Variants in PTCD1 observed in about 807,000 individuals in gnomAD.
The protein encoded by PTCD1 is pentatricopeptide repeat-containing protein 1, mitochondrial.
Under a neutral mutation model 53.4 loss-of-function variants are expected in PTCD1, and 50 were observed. That is an observed-to-expected ratio of 0.94 (90% CI 0.75 to 1.19). PTCD1 has a LOEUF of 1.19. Among genes scored for constraint, PTCD1 ranks in the 50% most tolerant of loss-of-function variants. The pLI is 0.00. For synonymous variants in PTCD1, 413 were observed against 394.8 expected (o/e 1.05, Z -0.55); for missense variants, 918 against 904.8 (o/e 1.01, Z -0.19).
intron 7 of PTCD1, among the ~76,000 whole-genome samples, chr7:99,420,930 G>C (rs1795782864): frequency 6.6e-6 from 1 of 151,934 alleles, no homozygotes; most frequent in African/African-American, 2.4e-5. Context: ...CTGGGCGACA[G>C]AGCAAGACTC....
intron 5 of PTCD1, among the ~76,000 whole-genome samples, chr7:99,427,546 C>T (rs1796099287): frequency 6.6e-6 from 1 of 151,644 alleles, no homozygotes; most frequent in South Asian, 2.1e-4. Flanking sequence ...TCTGCCCGGC[C>T]GCCCCTGCTG....
At chr7:99,427,382 G>A (rs1384263256) in intron 5 of PTCD1, among the ~76,000 whole-genome samples, 6 of 149,006 alleles carry the variant, frequency 4.0e-5, no homozygotes, top group South Asian at 4.3e-4. Context: ...CCGGCCAGCC[G>A]CCCCGTCCGG....
chr7:99,416,875 C>T lies in PTCD1; in HGVS notation c.*3092G>A, dbSNP rs1795506881. 1 of 164,956 alleles carries T rather than the reference C, an allele frequency of 6.1e-6. No individual in the cohort carries two copies. Among genetic ancestry groups the T allele is most frequent in the African/African-American group, 2.4e-5 (1 of 41,448 alleles). 10.2% of individuals were successfully genotyped at this position (164,956 alleles called of 1,614,324 possible). A position where few individuals can be genotyped will look rare whatever the true frequency, so the allele number is the denominator to read the frequency against. Reference sequence around the variant, plus strand: ...AGCTGTGACTACAGGTGTGCACCACCACACCCAGCTAATTTTTAAATTTTT... The same window carrying T: ...AGCTGTGACTACAGGTGTGCACCACTACACCCAGCTAATTTTTAAATTTTT... On this transcript the variant is annotated 3_prime_UTR_variant, in exon 8 of 8. Transcript: ENST00000292478.
intron 5 of PTCD1, among the ~76,000 whole-genome samples, chr7:99,426,462 G>A (rs1796029324): frequency 6.6e-6 from 1 of 152,204 alleles, no homozygotes; most frequent in Non-Finnish European, 1.5e-5. Context: ...GAGGTGCCGG[G>A]ATTGCAGACG....
intron 4 of PTCD1, 120 bp downstream of exon 4, chr7:99,429,468 T>C: frequency 6.9e-7 from 1 of 1,450,948 alleles, no homozygotes; most frequent in Non-Finnish European, 9.5e-7. Flanking sequence ...CAGGGCCCAA[T>C]ACCGGCTGTC....
At chr7:99,421,769 GA>G (rs1385245123) in intron 7 of PTCD1, among the ~76,000 whole-genome samples, 1 of 151,932 alleles carries the variant, frequency 6.6e-6, no homozygotes, top group Non-Finnish European at 1.5e-5. Flanking sequence ...AAAACAAAAG[GA>G]AAATGCATCT....
chr7:99,428,772 T>C (rs1040582477), intron 5 of PTCD1, among the ~76,000 whole-genome samples: 2 of 151,974 alleles, frequency 1.3e-5, no homozygotes, highest in African/African-American at 2.4e-5. Flanking sequence ...GACTCCTGGG[T>C]TGCACCTGCA....
chr7:99,435,638 C>T (rs955092970), intron 1 of PTCD1, among the ~76,000 whole-genome samples: 51 of 113,870 alleles, frequency 4.5e-4, no homozygotes, highest in African/African-American at 1.7e-3. Context: ...GACTCTGTCT[C>T]GAAAAAAAAA....
chr7:99,417,203 C>G lies in PTCD1; in HGVS notation c.*2764G>C. ...TCCTAAGTAGCTGGGATTACAGCTGCTACCACGCCCGAGTAATTTTTGTAT... is the reference window on the plus strand; with the variant it reads ...TCCTAAGTAGCTGGGATTACAGCTGGTACCACGCCCGAGTAATTTTTGTAT... On this transcript the variant is annotated 3_prime_UTR_variant, in exon 8 of 8. Transcript: ENST00000292478. The G allele has an allele frequency of 2.3e-6, 1 of 434,056 alleles. No individual in the cohort carries two copies. Among genetic ancestry groups the G allele is most frequent in the South Asian group, 2.1e-5 (1 of 47,106 alleles). 26.9% of individuals were successfully genotyped at this position (434,056 alleles called of 1,614,324 possible).
intron 5 of PTCD1, 47 bp downstream of exon 5, chr7:99,429,056 C>G (rs1396922437): frequency 1.2e-6 from 2 of 1,608,870 alleles, no homozygotes; most frequent in Non-Finnish European, 8.5e-7. Context: ...TTTTGCACCT[C>G]TGGCACCGGG....
At chr7:99,424,648 CAGA>C in intron 6 of PTCD1, 144 bp downstream of exon 6, 1 of 1,113,498 alleles carries the variant, frequency 9.0e-7, no homozygotes, top group Non-Finnish European at 1.3e-6. Flanking sequence ...GACCAAAGAC[CAGA>C]AGGTCATTGA....
intron 1 of PTCD1, 78 bp from the exon 2 acceptor site, chr7:99,435,346 G>C (rs1796419296): frequency 1.5e-5 from 23 of 1,557,756 alleles, no homozygotes; most frequent in Non-Finnish European, 2.0e-5. Context: ...GTGGTTACAA[G>C]TATGGGCCCA....
chr7:99,431,345 G>T (rs1455712668), intron 3 of PTCD1, among the ~76,000 whole-genome samples: 3 of 151,972 alleles, frequency 2.0e-5, no homozygotes, highest in African/African-American at 7.2e-5. Context: ...GGCCAGGATG[G>T]TCTCAATCTC....
chr7:99,430,163 C>A (rs747291954), intron 3 of PTCD1, among the ~76,000 whole-genome samples: 1 of 152,244 alleles, frequency 6.6e-6, no homozygotes, highest in African/African-American at 2.4e-5. Flanking sequence ...TGAGGGCTCC[C>A]GGGCAAGTTA....
Position 99,435,418 on chromosome 7 carries a change from C to A in PTCD1, c.-26-150G>T, listed in dbSNP as rs923397416. On this transcript the variant is annotated intron_variant, in intron 1 of 7. Transcript: ENST00000292478. ...CTTTGGGAGGTCGAGGCTGGCATAT[C>A]ACTTGAGGTCAGGAGTTTGAGACCA... 19 of 1,014,094 alleles carry A rather than the reference C, an allele frequency of 1.9e-5. No homozygotes were observed. The African/African-American group carries it at 2.9e-4, about 16-fold the overall frequency. The allele number at this position is 1,014,094 out of a possible 1,614,324, so 62.8% of individuals were successfully genotyped here.
intron 6 of PTCD1, 105 bp downstream of exon 6, chr7:99,424,690 C>T (rs925477757): frequency 1.4e-6 from 2 of 1,450,212 alleles, no homozygotes; most frequent in African/African-American, 2.8e-5. Flanking sequence ...ATGCACAGTT[C>T]ATCCTCTCCA....
chr7:99,421,648 G>T (rs1015282104), intron 7 of PTCD1, among the ~76,000 whole-genome samples: 1 of 150,776 alleles, frequency 6.6e-6, no homozygotes, highest in Non-Finnish European at 1.5e-5. Flanking sequence ...CCAGCAACTC[G>T]GGAGGCTGAG....
intron 1 of PTCD1, among the ~76,000 whole-genome samples, chr7:99,436,107 G>A (rs1456807106): frequency 6.6e-6 from 1 of 152,060 alleles, no homozygotes; most frequent in African/African-American, 2.4e-5. Context: ...CACTATGCCT[G>A]GCTAATTTTA....
rs893906001 is a variant in PTCD1, at chr7:99,419,310, G to A, written c.*657C>T. On this transcript the variant is annotated 3_prime_UTR_variant, in exon 8 of 8. Transcript: ENST00000292478. ...TATATGGCATGGTGGCAGGTCCTTC[G>A]TGGGAGGGTTGCCACATATGTGAGT... 19 of 1,533,824 alleles carry A rather than the reference G, an allele frequency of 1.2e-5. No individual in the cohort carries two copies. The highest frequency in any genetic ancestry group is 2.2e-5 in the East Asian group (1 of 44,448).
Sources: allele counts gnomAD v4.1 joint callset (sites outside exome capture counted in the v4.1 genomes callset), GRCh38; gene constraint gnomAD v4.1.1; transcripts MANE v1.5; gene names NCBI Gene and HGNC (gene_info 2026-07-23, HGNC 2026-07-21).